The following NOL4 variants were observed in gnomAD, a reference collection of about 807,000 sequenced individuals.
NOL4 encodes nucleolar protein 4.
A neutral mutation model predicts 75.9 loss-of-function variants in NOL4; 17 were observed. The ratio of observed to expected loss-of-function variants is 0.22; its 90% CI spans 0.15 to 0.34. The LOEUF (loss-of-function observed/expected upper bound fraction) is 0.34. Among genes scored for constraint, NOL4 ranks in the 10% least tolerant of loss-of-function variants. The pLI is 1.00. For synonymous variants in NOL4, 292 were observed against 289.9 expected (o/e 1.01, Z -0.07); for missense variants, 614 against 793.5 (o/e 0.77, Z 2.72).
intron 1 of NOL4, among the ~76,000 whole-genome samples, chr18:34,198,788 T>C (rs774403366): frequency 6.6e-6 from 1 of 151,882 alleles, no homozygotes; most frequent in Non-Finnish European, 1.5e-5. Context: ...TCCACTATTA[T>C]AGTGTCTTTG....
chr18:34,006,043 CT>C (rs1012725886), intron 6 of NOL4, among the ~76,000 whole-genome samples: 4 of 151,882 alleles, frequency 2.6e-5, no homozygotes, highest in Non-Finnish European at 5.9e-5. Context: ...TAAAAACTGA[CT>C]TTTTTTTACA....
chr18:34,001,863 C>T (rs1208893138), intron 6 of NOL4: 1 of 152,182 alleles, frequency 6.6e-6, no homozygotes, highest in Non-Finnish European at 1.5e-5. Flanking sequence ...AGTGCTAATA[C>T]TGAAATTAAT....
intron 5 of NOL4, among the ~76,000 whole-genome samples, chr18:34,082,786 T>G (rs934982555): frequency 6.6e-5 from 10 of 152,196 alleles, no homozygotes; most frequent in African/African-American, 2.4e-4. Flanking sequence ...AGTGATGAGT[T>G]GCACGTTTTA....
At chr18:33,920,389 G>T (rs2066963256) in intron 9 of NOL4, among the ~76,000 whole-genome samples, 1 of 152,218 alleles carries the variant, frequency 6.6e-6, no homozygotes, top group South Asian at 2.1e-4. Flanking sequence ...TTTTGCATCT[G>T]TAAATACACT....
At chr18:34,164,648 G>C (rs1046698882) in intron 1 of NOL4, among the ~76,000 whole-genome samples, 4 of 152,060 alleles carry the variant, frequency 2.6e-5, no homozygotes, top group Admixed American at 2.6e-4. Context: ...TGGTGGGACT[G>C]TAAACTAGTT....
intron 6 of NOL4, among the ~76,000 whole-genome samples, chr18:33,975,218 A>G (rs1281524131): frequency 1.3e-5 from 2 of 152,226 alleles, no homozygotes; most frequent in African/African-American, 4.8e-5. Flanking sequence ...CCATTCTGCA[A>G]GATGAAAAGG....
chr18:33,938,674 TA>T (rs2068244770), intron 9 of NOL4, among the ~76,000 whole-genome samples: 1 of 152,178 alleles, frequency 6.6e-6, no homozygotes, highest in African/African-American at 2.4e-5. Flanking sequence ...TTCTGGATAT[TA>T]GCCCTTTGTC....
chr18:34,196,983 G>C (rs1380650641), intron 1 of NOL4, among the ~76,000 whole-genome samples: 1 of 152,028 alleles, frequency 6.6e-6, no homozygotes, highest in Middle Eastern at 3.2e-3. Flanking sequence ...AATAGGTATA[G>C]TGAAGGTTTT....
At chr18:34,004,173 C>T (rs1421264857) in intron 6 of NOL4, among the ~76,000 whole-genome samples, 1 of 152,054 alleles carries the variant, frequency 6.6e-6, no homozygotes, top group Non-Finnish European at 1.5e-5. Flanking sequence ...GGAAACCACT[C>T]CTCTCCCTTC....
intron 10 of NOL4, among the ~76,000 whole-genome samples, chr18:33,855,812 CTTCTTCATTTTCTTT>C (rs35623029): frequency 0.35 from 53,606 of 151,346 alleles, 9,668 homozygotes; most frequent in South Asian, 0.49. Context: ...TTTCATTTTA[CTTCTTCATTTTCTTT>C]TTCTTCATTT....
intron 1 of NOL4, among the ~76,000 whole-genome samples, chr18:34,188,125 T>G (rs906111269): frequency 1.3e-5 from 2 of 152,232 alleles, no homozygotes; most frequent in African/African-American, 4.8e-5. Context: ...CCATGTTAAT[T>G]ACAGGCGTTT....
chr18:33,887,888 A>G (rs1231636166), intron 9 of NOL4, among the ~76,000 whole-genome samples: 2 of 152,156 alleles, frequency 1.3e-5, no homozygotes, highest in African/African-American at 4.8e-5. Context: ...ATACGTGTGC[A>G]TGTGTCTTTA....
At chr18:33,984,891 G>A (rs1054096325) in intron 6 of NOL4, among the ~76,000 whole-genome samples, 1 of 151,984 alleles carries the variant, frequency 6.6e-6, no homozygotes, top group African/African-American at 2.4e-5. Flanking sequence ...AGGGTGATAT[G>A]GCCTCAAGAT....
At chr18:33,904,819 T>C (rs893513724) in intron 9 of NOL4, among the ~76,000 whole-genome samples, 3 of 152,176 alleles carry the variant, frequency 2.0e-5, no homozygotes, top group Admixed American at 1.3e-4. Flanking sequence ...CCACAGATTC[T>C]GTAGTTAACA....
intron 4 of NOL4, among the ~76,000 whole-genome samples, chr18:34,094,870 TA>T (rs1339475101): frequency 1.3e-5 from 2 of 152,182 alleles, no homozygotes; most frequent in East Asian, 3.8e-4. Flanking sequence ...CCTGCTATTA[TA>T]TACTAGAACC....
At chr18:33,942,182 C>T (rs1654087292) in intron 9 of NOL4, among the ~76,000 whole-genome samples, 1 of 151,918 alleles carries the variant, frequency 6.6e-6, no homozygotes, top group Admixed American at 6.6e-5. Flanking sequence ...CAAAATTGAA[C>T]TAACTTACTT....
At chr18:34,128,439 G>A (rs2080480999) in intron 2 of NOL4, among the ~76,000 whole-genome samples, 1 of 151,898 alleles carries the variant, frequency 6.6e-6, no homozygotes, top group South Asian at 2.1e-4. Flanking sequence ...AGTGATATTA[G>A]TAGATCAATA....
intron 1 of NOL4, among the ~76,000 whole-genome samples, chr18:34,145,593 A>G (rs1336058869): frequency 1.3e-5 from 2 of 151,886 alleles, no homozygotes; most frequent in African/African-American, 4.8e-5. Context: ...AATTTTTAAT[A>G]TGCAGCATTC....
At chr18:34,049,803 G>A (rs945685103) in intron 5 of NOL4, among the ~76,000 whole-genome samples, 14 of 152,106 alleles carry the variant, frequency 9.2e-5, no homozygotes, top group South Asian at 8.3e-4. Context: ...TGCTGAGAGC[G>A]AACAGGACTT....
Sources: gnomAD v4.1 joint callset for allele counts (sites outside exome capture counted in the v4.1 genomes callset) on GRCh38, gnomAD v4.1.1 for gene constraint, MANE v1.5 for transcripts, NCBI Gene and HGNC (gene_info 2026-07-23, HGNC 2026-07-21) for gene names.